The following KMT2D variants were observed in gnomAD, a reference collection of about 807,000 sequenced individuals.
KMT2D encodes the protein histone-lysine N-methyltransferase 2D.
Under a neutral mutation model 512.7 loss-of-function variants are expected in KMT2D, and 55 were observed. The observed-to-expected ratio is 0.11, with a 90% CI of 0.09 to 0.13. The LOEUF (loss-of-function observed/expected upper bound fraction) is 0.13. Among genes scored for constraint, KMT2D ranks in the 10% least tolerant of loss-of-function variants. The pLI, the probability that KMT2D is intolerant of heterozygous loss-of-function variation, is 1.00. For missense variants in KMT2D, 6,061 were observed against 7,127.9 expected (o/e 0.85, Z 5.39); for synonymous variants, 2,995 against 2,904.0 (o/e 1.03, Z -1.01).
At position 49,038,452 on chromosome 12, in the gene KMT2D, C is replaced by T. The variant is rs767700267; in HGVS notation, c.8904G>A (p.Pro2968=). The stretch of plus-strand genomic sequence containing the variant: ...TGGGGCGGCCAAGCTCAGTGCTCGA[C>T]GGGGGCCGGTTGACCAGCTCCAAAC... ...PTGLELVNRP[P]SSTELGRPNP... The change falls in exon 35 of 55, where the codon CCG becomes CCA. Residue 2968 remains proline, a synonymous_variant. Coordinates refer to ENST00000301067, the MANE Select transcript of KMT2D (RefSeq NM_003482.4). This position sits in a 1 kb window ranked among gnomAD's most constrained non-coding sequence, Gnocchi z 5.7. 1.1e-4 allele frequency: 183 copies of T among 1,609,378 alleles called. No individual in the cohort carries two copies. Among genetic ancestry groups the T allele is most frequent in the Non-Finnish European group, 1.5e-4 (172 of 1,176,850 alleles).
Position 49,049,999 on chromosome 12 carries a change from G to C in KMT2D, c.3589C>G (p.Pro1197Ala), listed in dbSNP as rs2120644162. The part of the protein sequence containing the change: ...EPRAPVAPTP[P>A]TLIKSDIVNE... ...ACGATGTCGGATTTGATGAGAGTGGGTGGTGTGGGGGCCACCGGTGCACGT... is the reference window on the plus strand; with the variant it reads ...ACGATGTCGGATTTGATGAGAGTGGCTGGTGTGGGGGCCACCGGTGCACGT... Residue 1197 changes from proline (P) to alanine (A), a missense_variant, in exon 12 of 55, where the codon CCC (proline) becomes GCC (alanine). Pro to Ala is a conservative substitution (Grantham distance 27). Transcript: ENST00000301067. 1 of 1,613,980 alleles carries C rather than the reference G, an allele frequency of 6.2e-7. No homozygotes were observed. Among genetic ancestry groups the C allele is most frequent in the Non-Finnish European group, 8.5e-7 (1 of 1,179,898 alleles).
Position 49,042,525 on chromosome 12 carries a change from G to C in KMT2D, c.5867+36C>G, listed in dbSNP as rs748196351. ...AACTCAGATGGAGGGAAAGGACAACGAGGACTGCCCACAAAGGTTACGCAG... is the reference window on the plus strand; with the variant it reads ...AACTCAGATGGAGGGAAAGGACAACCAGGACTGCCCACAAAGGTTACGCAG... On this transcript the variant is annotated intron_variant, in intron 28 of 54. Coordinates refer to ENST00000301067, the MANE Select transcript of KMT2D (RefSeq NM_003482.4). This position sits in a 1 kb window ranked among gnomAD's most constrained non-coding sequence, Gnocchi z 4.4. The C allele has an allele frequency of 6.2e-7, 1 of 1,602,600 alleles. No homozygotes were observed. The highest frequency in any genetic ancestry group is 8.5e-7 in the Non-Finnish European group (1 of 1,171,848).
chr12:49,022,406 TG>T lies in KMT2D; in HGVS notation c.16339-54del. On this transcript the variant is annotated intron_variant, in intron 52 of 54. Coordinates refer to ENST00000301067, the MANE Select transcript of KMT2D (RefSeq NM_003482.4). This position sits in a 1 kb window ranked among gnomAD's most constrained non-coding sequence, Gnocchi z 8.6. ...GGACAAGAGTATCAGAGAGTGGCAGTGGTGGCTGTGGGATCAGGTAGGAGAC... is the reference window on the plus strand; with the variant it reads ...GGACAAGAGTATCAGAGAGTGGCAGTGTGGCTGTGGGATCAGGTAGGAGAC... 1 of 1,555,838 alleles carries T rather than the reference TG, an allele frequency of 6.4e-7. No homozygotes were observed. The highest frequency in any genetic ancestry group is 8.8e-7 in the Non-Finnish European group (1 of 1,138,840).
Position 49,041,657 on chromosome 12 carries a change from T to C in KMT2D, c.6232A>G (p.Lys2078Glu). 1 of 1,613,416 alleles carries C rather than the reference T, an allele frequency of 6.2e-7. No homozygotes were observed. Among genetic ancestry groups the C allele is most frequent in the Non-Finnish European group, 8.5e-7 (1 of 1,179,582 alleles). Residue 2078 changes from lysine to glutamate, a missense_variant and splice_region_variant, in exon 31 of 55, where the codon AAG (lysine) becomes GAG (glutamate). Transcript: ENST00000301067. The surrounding 1 kb of genome is among the most constrained non-coding windows in gnomAD (Gnocchi z 5.4). ...CACCCCAGCCCAGCCCCACTCACCT[T>C]CTGCACCTTGTTGATGCGGTGAGCT... ...RAAHRINKVQKQAESQINKQT... is the reference protein window; with the variant it reads ...RAAHRINKVQEQAESQINKQT...
Position 49,039,211 on chromosome 12 carries a change from T to C in KMT2D, c.8366+11A>G, listed in dbSNP as rs780251152. On this transcript the variant is annotated intron_variant, in intron 34 of 54. Coordinates refer to ENST00000301067, the MANE Select transcript of KMT2D (RefSeq NM_003482.4). The surrounding 1 kb of genome is among the most constrained non-coding windows in gnomAD (Gnocchi z 5.0). ...CTTGGTTTACCCCCAGGGAACCTCC[T>C]GGAGCCTCACCGGCTGTTCACATCC... 6.2e-6 allele frequency: 10 copies of C among 1,613,420 alleles called. No homozygotes were observed. Among genetic ancestry groups the C allele is most frequent in the Admixed American group, 1.7e-5 (1 of 59,996 alleles).
rs2120416897 is a variant in KMT2D, at chr12:49,031,184, G to A, written c.13521C>T (p.Ser4507=). ...TACTCAGAGTACTCACCTCCTTGTT[G>A]CTGGGGGTACCCTGTAGTTTCTGCT... ...GLEQKLQGTP[S]NKEDAAARKP... The change falls in exon 40 of 55, where the codon AGC becomes AGT. Residue 4507 remains serine, a synonymous_variant. Transcript: ENST00000301067. 6.2e-7 allele frequency: 1 copy of A among 1,607,734 alleles called. No individual in the cohort carries two copies. The highest frequency in any genetic ancestry group is 1.1e-5 in the South Asian group (1 of 90,840).
intron 10 of KMT2D, 33 bp downstream of exon 10, chr12:49,052,531 G>T: frequency 2.5e-6 from 4 of 1,607,376 alleles, no homozygotes; most frequent in Non-Finnish European, 3.4e-6. Flanking sequence ...AATAAAAGGG[G>T]ATGAATTTCA....
intron 13 of KMT2D, 137 bp from the exon 14 acceptor site, chr12:49,048,906 C>CA (rs1485967102): frequency 1.4e-6 from 1 of 707,240 alleles, no homozygotes. Context: ...ACAGACAGAA[C>CA]ACCCCAGCTC....
In KMT2D at chr12:49,021,472, G is replaced by A. The variant is rs1565751388; in HGVS notation, c.*308C>T. The A allele has an allele frequency of 2.3e-6, 1 of 434,890 alleles. No individual in the cohort carries two copies. 26.9% of individuals were successfully genotyped at this position (434,890 alleles called of 1,614,324 possible). ...CCCTGCTGCCTCCCAGATGCTTCTGGGTAGTTCCCGGCCCATATCCCCCTC... is the reference window on the plus strand; with the variant it reads ...CCCTGCTGCCTCCCAGATGCTTCTGAGTAGTTCCCGGCCCATATCCCCCTC... On this transcript the variant is annotated 3_prime_UTR_variant, in exon 55 of 55. Coordinates refer to ENST00000301067, the MANE Select transcript of KMT2D (RefSeq NM_003482.4).
rs200429063 is a variant in KMT2D at position 49,037,809 on chromosome 12, C to G, written c.9547G>C (p.Ala3183Pro). The change falls in exon 35 of 55, where the codon GCC (alanine) becomes CCC (proline). Residue 3183 changes from alanine to proline, a missense_variant. Ala to Pro is a conservative substitution (Grantham distance 27). Around this residue, in one of 16 missense-constraint regions of KMT2D, gnomAD observed 533 missense variants for 539.6 expected, o/e 0.99. Coordinates refer to ENST00000301067, the MANE Select transcript of KMT2D (RefSeq NM_003482.4). ...GGTCCTCCCGTGGCCCCAAAGGAGG[C>G]CTTCTCAGCTGTGTGCCCACTGCTA... is the stretch of plus-strand genomic sequence containing the variant. The part of the protein sequence containing the change: ...FSSSGHTAEK[A>P]SFGATGGPPA... 101 of 1,597,170 alleles carry G rather than the reference C, an allele frequency of 6.3e-5. No homozygotes were observed. In the African/African-American group the frequency reaches 1.3e-3, roughly 21 times the overall value.
At position 49,027,950 on chromosome 12, in the gene KMT2D, A is replaced by C; in HGVS notation, c.14516-20T>G. 1 of 1,613,752 alleles carries C rather than the reference A, an allele frequency of 6.2e-7. No individual in the cohort carries two copies. The highest frequency in any genetic ancestry group is 8.5e-7 in the Non-Finnish European group (1 of 1,179,662). On this transcript the variant is annotated intron_variant, in intron 47 of 54. Coordinates refer to ENST00000301067, the MANE Select transcript of KMT2D (RefSeq NM_003482.4). ...TCCCACCTGCAGAAAGGAGTGGATCAGAGCCTCCCACCAGAATCACTCCCC... is the reference window on the plus strand; with the variant it reads ...TCCCACCTGCAGAAAGGAGTGGATCCGAGCCTCCCACCAGAATCACTCCCC...
rs2120585432 is a variant in KMT2D, at chr12:49,044,547, G to T, written c.4964-25C>A. The T allele has an allele frequency of 6.2e-7, 1 of 1,612,120 alleles. No individual in the cohort carries two copies. Among genetic ancestry groups the T allele is most frequent in the Non-Finnish European group, 8.5e-7 (1 of 1,179,044 alleles). ...CCTGCGTATGGTGACAGAAGAGATG[G>T]AGGCAAATCAGAACTATAGGCCCTT... On this transcript the variant is annotated intron_variant, in intron 20 of 54. Coordinates refer to ENST00000301067, the MANE Select transcript of KMT2D (RefSeq NM_003482.4). This position sits in a 1 kb window ranked among gnomAD's most constrained non-coding sequence, Gnocchi z 6.4.
chr12:49,041,405 G>C lies in KMT2D; in HGVS notation c.6365C>G (p.Pro2122Arg). ...ALGSPPPAAAPTIFIGSPTTP... is the reference protein window; with the variant it reads ...ALGSPPPAAARTIFIGSPTTP... ...AGTGGGGCTGCCAATGAAAATGGTGGGGGCAGCAGCGGGGGGCGGGCTGCC... is the reference window on the plus strand; with the variant it reads ...AGTGGGGCTGCCAATGAAAATGGTGCGGGCAGCAGCGGGGGGCGGGCTGCC... Residue 2122 changes from proline (P) to arginine (R), a missense_variant, in exon 32 of 55, where the codon CCC becomes CGC. Physicochemically the swap from Pro to Arg is moderately radical, Grantham distance 103. Coordinates refer to ENST00000301067, the MANE Select transcript of KMT2D (RefSeq NM_003482.4). The surrounding 1 kb of genome is among the most constrained non-coding windows in gnomAD (Gnocchi z 5.4). The C allele has an allele frequency of 1.2e-6, 2 of 1,606,426 alleles. No individual in the cohort carries two copies. The highest frequency in any genetic ancestry group is 1.7e-6 in the Non-Finnish European group (2 of 1,175,280).
rs1449494133 is a variant in KMT2D, at chr12:49,051,601, C to A, written c.2082G>T (p.Glu694Asp). The A allele has an allele frequency of 3.8e-6, 6 of 1,588,694 alleles. No homozygotes were observed. Among genetic ancestry groups the A allele is most frequent in the South Asian group, 3.4e-5 (3 of 87,312 alleles). Residue 694 changes from glutamate to aspartate, a missense_variant, in exon 11 of 55, where the codon GAG becomes GAT. By Grantham distance (45) the Glu-to-Asp change is conservative. Around this residue, in one of 16 missense-constraint regions of KMT2D, gnomAD observed 848 missense variants for 838.5 expected, o/e 1.01. Coordinates refer to ENST00000301067, the MANE Select transcript of KMT2D (RefSeq NM_003482.4). ...PEASRLSPPPEDSPTSPPPED... is the reference protein window; with the variant it reads ...PEASRLSPPPDDSPTSPPPED... ...CAGGTGGTGGGGATGTGGGGGAGTCCTCAGGTGGTGGGGAGAGGCGTGAAG... is the reference window on the plus strand; with the variant it reads ...CAGGTGGTGGGGATGTGGGGGAGTCATCAGGTGGTGGGGAGAGGCGTGAAG...
chr12:49,032,402 C>G lies in KMT2D; in HGVS notation c.12303G>C (p.Gln4101His), dbSNP rs1054533530. 6.3e-7 allele frequency: 1 copy of G among 1,599,042 alleles called. No individual in the cohort carries two copies. Among genetic ancestry groups the G allele is most frequent in the Non-Finnish European group, 8.5e-7 (1 of 1,172,936 alleles). The stretch of plus-strand genomic sequence containing the variant: ...TGTGGAGCAGGCTAACTTGCTGCTG[C>G]TGTTGTCCTGGAAGCCTCAGAGGTG... ...LQPPLRLPGQQQQQVSLLHTA... is the reference protein window; with the variant it reads ...LQPPLRLPGQHQQQVSLLHTA... Residue 4101 changes from glutamine (Q) to histidine (H), a missense_variant, in exon 40 of 55, where the codon CAG becomes CAC. By Grantham distance (24) the Gln-to-His change is conservative. Around this residue, in one of 16 missense-constraint regions of KMT2D, gnomAD observed 1,600 missense variants for 1,754.9 expected, o/e 0.91. Transcript: ENST00000301067.
chr12:49,033,253 A>G lies in KMT2D; in HGVS notation c.11452T>C (p.Leu3818=). The G allele has an allele frequency of 1.3e-6, 2 of 1,556,816 alleles. No homozygotes were observed. Among genetic ancestry groups the G allele is most frequent in the Non-Finnish European group, 1.7e-6 (2 of 1,150,018 alleles). The change falls in exon 40 of 55, where the codon TTG becomes CTG. Residue 3818 remains leucine, a synonymous_variant. Transcript: ENST00000301067. The part of the protein sequence containing the change: ...AVLQQQHPGA[L]GPQGPHRQVL... The stretch of plus-strand genomic sequence containing the variant: ...TGTCTGTGAGGGCCCTGGGGGCCCA[A>G]AGCTCCAGGGTGCTGCTGCTGCAAC...
rs1008261796 is a variant in KMT2D, at chr12:49,050,359, T to C, written c.3229A>G (p.Lys1077Glu). 6.2e-7 allele frequency: 1 copy of C among 1,612,090 alleles called. No homozygotes were observed. The highest frequency in any genetic ancestry group is 8.5e-7 in the Non-Finnish European group (1 of 1,179,040). The stretch of plus-strand genomic sequence containing the variant: ...GCTGGGCATTCAGGTTCTGAAACTT[T>C]CTCAGTCTCCATCTCGTGCAGCTCA... ...EAELHEMETE[K>E]VSEPECPALE... The change falls in exon 12 of 55, where the codon AAA (lysine) becomes GAA (glutamate). Residue 1077 changes from lysine (K) to glutamate (E), a missense_variant. Lys to Glu is a moderately conservative substitution (Grantham distance 56, BLOSUM62 1). Around this residue, in one of 16 missense-constraint regions of KMT2D, gnomAD observed 447 missense variants for 500.1 expected, o/e 0.89. Transcript: ENST00000301067.
chr12:49,026,467 T>A lies in KMT2D; in HGVS notation c.15499A>T (p.Ser5167Cys), dbSNP rs752976776. Residue 5167 changes from serine to cysteine, a missense_variant, in exon 49 of 55, where the codon AGC becomes TGC. Physicochemically the swap from Ser to Cys is moderately radical, Grantham distance 112. Around this residue, in one of 16 missense-constraint regions of KMT2D, gnomAD observed 261 missense variants for 440.7 expected, o/e 0.59. Transcript: ENST00000301067. This position sits in a 1 kb window ranked among gnomAD's most constrained non-coding sequence, Gnocchi z 9.6. The stretch of plus-strand genomic sequence containing the variant: ...AGCCGTTCTCCCCGCTGAATGATGC[T>A]AGCGATTTGCTTCACCTCGTCCCGC... ...IERDEVKQIA[S>C]IIQRGERLHM... 6.2e-7 allele frequency: 1 copy of A among 1,613,924 alleles called. No individual in the cohort carries two copies. The highest frequency in any genetic ancestry group is 1.3e-5 in the African/African-American group (1 of 75,048).
At position 49,044,645 on chromosome 12, in the gene KMT2D, T is replaced by G. The variant is rs1943702033; in HGVS notation, c.4963+99A>C. The stretch of plus-strand genomic sequence containing the variant: ...AGCCACTTAGACGAGACAGCAGTGC[T>G]TAAGGGTAACTGAGTGGCAATGTAG... On this transcript the variant is annotated intron_variant, in intron 20 of 54. Transcript: ENST00000301067. This position sits in a 1 kb window ranked among gnomAD's most constrained non-coding sequence, Gnocchi z 6.4. 1 of 1,551,314 alleles carries G rather than the reference T, an allele frequency of 6.4e-7. No homozygotes were observed. Among genetic ancestry groups the G allele is most frequent in the Non-Finnish European group, 8.8e-7 (1 of 1,138,290 alleles).
Sources: gnomAD v4.1 joint callset for allele counts on GRCh38, gnomAD v4.1.1 for gene constraint, gnomAD v4.1.1 regional missense constraint, Gnocchi (gnomAD v3.1) non-coding constraint, MANE v1.5 for transcripts, NCBI Gene and HGNC (gene_info 2026-07-23, HGNC 2026-07-21) for gene names.